ANAPC10: variants seen among roughly 807,000 people sequenced by gnomAD.
ANAPC10 encodes anaphase promoting complex subunit 10, also known as anaphase-promoting complex subunit 10.
ANAPC10 carries 12 observed loss-of-function variants against 22.0 expected under a neutral mutation model. The observed-to-expected ratio is 0.55, with a 90% CI of 0.35 to 0.88. ANAPC10 has a LOEUF of 0.88. Among genes scored for constraint, ANAPC10 ranks in the 40% least tolerant of loss-of-function variants. The pLI, the probability that ANAPC10 is intolerant of heterozygous loss-of-function variation, is 0.01. For synonymous variants in ANAPC10, 65 were observed against 69.5 expected (o/e 0.94, Z 0.32); for missense variants, 188 against 220.9 (o/e 0.85, Z 0.94).
chr4:145,080,624 A>G (rs1745854744), intron 3 of ANAPC10, among the ~76,000 whole-genome samples: 1 of 152,062 alleles, frequency 6.6e-6, no homozygotes. Context: ...AATAGATGGT[A>G]TAGGCCAGGT....
intron 3 of ANAPC10, among the ~76,000 whole-genome samples, chr4:145,069,431 A>G (rs1744171764): frequency 6.6e-6 from 1 of 152,216 alleles, no homozygotes; most frequent in African/African-American, 2.4e-5. Context: ...AAAACTTCAC[A>G]AGGATAGGCA....
At chr4:145,043,444 T>C (rs1273340818) in intron 4 of ANAPC10, among the ~76,000 whole-genome samples, 3 of 152,228 alleles carry the variant, frequency 2.0e-5, no homozygotes, top group Middle Eastern at 3.4e-3. Flanking sequence ...TTCCGAATGG[T>C]TGAACACTAA....
chr4:145,097,704 A>C (rs1484666683), intron 1 of ANAPC10: 1 of 396,192 alleles, frequency 2.5e-6, no homozygotes, highest in Non-Finnish European at 4.9e-6. Flanking sequence ...GTTAGGTGAG[A>C]TCTAGGGCGA....
rs1748448738 is a variant in ANAPC10, at chr4:145,095,989, T to C, written c.111A>G (p.Lys37=). Residue 37 remains lysine (K), a synonymous_variant, in exon 2 of 5, where the codon AAA becomes AAG. Coordinates refer to ENST00000507656, the MANE Select transcript of ANAPC10 (RefSeq NM_001256706.2). Reference sequence around the variant, plus strand: ...TTTTTGTTTGTTAGTTTTTACCTGGTTTGCAAGATGAGAGTGACCAAACAG... The same window carrying C: ...TTTTTGTTTGTTAGTTTTTACCTGGCTTGCAAGATGAGAGTGACCAAACAG... The part of the protein sequence containing the change: ...SQAVWSLSSC[K]PGFGVDQLRD... 1.2e-6 allele frequency: 2 copies of C among 1,614,096 alleles called. No individual in the cohort carries two copies. The highest frequency in any genetic ancestry group is 1.7e-6 in the Non-Finnish European group (2 of 1,179,992).
chr4:145,026,945 A>ATATATATATATATATATATATATGTGTG (rs1287102797), intron 4 of ANAPC10, among the ~76,000 whole-genome samples: 2 of 17,150 alleles, frequency 1.2e-4, no homozygotes, highest in African/African-American at 1.6e-4. Context: ...ATATATATAT[A>ATATATATATATATATATATATATGTGTG]TGTGTGTGTG....
intron 3 of ANAPC10, among the ~76,000 whole-genome samples, chr4:145,079,887 C>G (rs1745716191): frequency 6.6e-6 from 1 of 151,742 alleles, no homozygotes; most frequent in Non-Finnish European, 1.5e-5. Context: ...GCCGAGGCGG[C>G]TAGATCACCT....
At chr4:145,086,698 G>GT (rs1354819696) in intron 2 of ANAPC10, among the ~76,000 whole-genome samples, 1 of 151,854 alleles carries the variant, frequency 6.6e-6, no homozygotes, top group Non-Finnish European at 1.5e-5. Context: ...GCATTGAAAG[G>GT]TATTTAGCTG....
chr4:145,054,419 A>T (rs554426249), intron 4 of ANAPC10, among the ~76,000 whole-genome samples: 1 of 150,794 alleles, frequency 6.6e-6, no homozygotes, highest in African/African-American at 2.4e-5. Context: ...TTAGCCGGGC[A>T]TGGTGGCAGG....
chr4:145,026,909 G>A (rs1419734104), intron 4 of ANAPC10, among the ~76,000 whole-genome samples: 2 of 72,090 alleles, frequency 2.8e-5, no homozygotes, highest in African/African-American at 9.4e-5. Flanking sequence ...TGAAGTTTTT[G>A]CCTATACATA....
At chr4:145,092,932 GA>G (rs1747908577) in intron 2 of ANAPC10, among the ~76,000 whole-genome samples, 1 of 152,166 alleles carries the variant, frequency 6.6e-6, no homozygotes, top group Admixed American at 6.5e-5. Flanking sequence ...GAGTGAGGCA[GA>G]AAACTCTTTA....
intron 4 of ANAPC10, among the ~76,000 whole-genome samples, chr4:145,034,725 G>A (rs530179835): frequency 6.6e-6 from 1 of 151,836 alleles, no homozygotes; most frequent in South Asian, 2.1e-4. Flanking sequence ...GGTGATGCAG[G>A]TTCGACCCAG....
intron 4 of ANAPC10, among the ~76,000 whole-genome samples, chr4:145,059,179 A>C (rs1742508131): frequency 6.6e-6 from 1 of 152,142 alleles, no homozygotes; most frequent in Non-Finnish European, 1.5e-5. Flanking sequence ...CAACAAATAG[A>C]GCCAGAACTT....
chr4:145,024,245 A>G (rs912610590), intron 4 of ANAPC10, among the ~76,000 whole-genome samples: 1 of 152,200 alleles, frequency 6.6e-6, no homozygotes, highest in South Asian at 2.1e-4. Flanking sequence ...AAAGTCATCA[A>G]TGCAGACTGG....
chr4:145,070,608 T>C (rs1457132475), intron 3 of ANAPC10, among the ~76,000 whole-genome samples: 1 of 152,152 alleles, frequency 6.6e-6, no homozygotes, highest in Non-Finnish European at 1.5e-5. Flanking sequence ...AACTTAAACA[T>C]AGAATTACCA....
At chr4:145,007,591 G>A (rs973864901) in intron 4 of ANAPC10, among the ~76,000 whole-genome samples, 8 of 152,100 alleles carry the variant, frequency 5.3e-5, no homozygotes, top group South Asian at 4.1e-4. Context: ...GGTACATAAC[G>A]AAATGAAAGC....
At chr4:145,095,908 T>G in intron 2 of ANAPC10, 77 bp downstream of exon 2, 2 of 1,595,602 alleles carry the variant, frequency 1.3e-6, no homozygotes, top group Non-Finnish European at 1.7e-6. Context: ...ATGTATCCCC[T>G]GGGATAAGGG....
At chr4:145,035,025 A>G (rs1738290975) in intron 4 of ANAPC10, 1 of 152,482 alleles carries the variant, frequency 6.6e-6, no homozygotes. Flanking sequence ...GCGACTTTGT[A>G]ATGTGTCAAC....
chr4:145,014,525 G>A (rs1367789662), intron 4 of ANAPC10, among the ~76,000 whole-genome samples: 1 of 151,964 alleles, frequency 6.6e-6, no homozygotes, highest in Non-Finnish European at 1.5e-5. Flanking sequence ...GAAGACAAAG[G>A]GCATACTCTC....
chr4:145,061,383 T>A (rs566409422), intron 4 of ANAPC10, among the ~76,000 whole-genome samples: 2 of 152,238 alleles, frequency 1.3e-5, no homozygotes, highest in Non-Finnish European at 2.9e-5. Flanking sequence ...ACCTAGAAAT[T>A]TCATATGAAT....
Sources: gnomAD v4.1 joint callset for allele counts (sites outside exome capture counted in the v4.1 genomes callset) on GRCh38, gnomAD v4.1.1 for gene constraint, MANE v1.5 for transcripts, NCBI Gene and HGNC (gene_info 2026-07-23, HGNC 2026-07-21) for gene names.